RBMS3: variants seen among roughly 807,000 people sequenced by gnomAD.
The protein encoded by RBMS3 is RNA binding motif single stranded interacting protein 3.
In RBMS3, 27 loss-of-function variants were observed where a neutral mutation model predicts 66.8. The observed-to-expected ratio is 0.40, with a 90% confidence interval of 0.30 to 0.56. The LOEUF (loss-of-function observed/expected upper bound fraction) is 0.56. Among genes scored for constraint, RBMS3 ranks in the 20% least tolerant of loss-of-function variants. RBMS3 has a pLI of 0.40. For synonymous variants in RBMS3, 188 were observed against 183.0 expected, an observed-to-expected ratio of 1.03 and a Z score of -0.22; for missense variants, 513 against 549.5, an observed-to-expected ratio of 0.93 and a Z score of 0.66.
intron 2 of RBMS3, among the ~76,000 whole-genome samples, chr3:29,486,019 T>G (rs774743848): frequency 5.3e-5 from 8 of 152,214 alleles, no homozygotes; most frequent in Non-Finnish European, 1.2e-4. Flanking sequence ...GTACTTTTAA[T>G]CTGCAGAGTA....
At chr3:29,298,730 A>C (rs781167110) in intron 1 of RBMS3, among the ~76,000 whole-genome samples, 6 of 151,904 alleles carry the variant, frequency 3.9e-5, no homozygotes, top group Non-Finnish European at 8.8e-5. Context: ...CGTTTTGTGA[A>C]AAAGGGAAAT....
chr3:29,940,513 A>G (rs2061367229), intron 11 of RBMS3, among the ~76,000 whole-genome samples: 1 of 151,846 alleles, frequency 6.6e-6, no homozygotes, highest in South Asian at 2.1e-4. Flanking sequence ...GGAATTTGCC[A>G]TTTTTAGAAG....
chr3:29,778,883 T>C (rs760886499), intron 6 of RBMS3, among the ~76,000 whole-genome samples: 3 of 151,902 alleles, frequency 2.0e-5, no homozygotes, highest in Non-Finnish European at 4.4e-5. Context: ...GGTCTTTTCT[T>C]TGATGGAGAG....
At chr3:29,424,322 C>A (rs2040858927) in intron 1 of RBMS3, among the ~76,000 whole-genome samples, 1 of 152,200 alleles carries the variant, frequency 6.6e-6, no homozygotes, top group East Asian at 1.9e-4. Context: ...TTACTAACAT[C>A]CCCCTCTTTT....
At chr3:29,419,545 C>G (rs544255575) in intron 1 of RBMS3, among the ~76,000 whole-genome samples, 213 of 152,200 alleles carry the variant, frequency 1.4e-3, no homozygotes, top group African/African-American at 4.9e-3. Flanking sequence ...GATGGAAATT[C>G]TTAATACCAG....
At chr3:29,295,629 G>C (rs1376801850) in intron 1 of RBMS3, among the ~76,000 whole-genome samples, 1 of 151,370 alleles carries the variant, frequency 6.6e-6, no homozygotes, top group Non-Finnish European at 1.5e-5. Context: ...AATTGAACAG[G>C]TTAACTACTT....
chr3:29,632,745 A>G (rs1240351954), intron 4 of RBMS3, among the ~76,000 whole-genome samples: 3 of 151,882 alleles, frequency 2.0e-5, no homozygotes, highest in Non-Finnish European at 2.9e-5. Flanking sequence ...ATGAATGTAG[A>G]AAACTTAATA....
chr3:29,917,027 T>C (rs962464788), intron 10 of RBMS3, among the ~76,000 whole-genome samples: 3 of 152,036 alleles, frequency 2.0e-5, no homozygotes, highest in East Asian at 3.9e-4. Flanking sequence ...TAGTGACTTA[T>C]TGGAAAAACG....
Position 29,919,352 on chromosome 3 carries a change from GA to G in RBMS3, c.940-16733del, listed in dbSNP as rs35551778. Among the ~76,000 whole-genome samples, 1,509 of 152,226 alleles carry G rather than the reference GA, an allele frequency of 9.9e-3. 7 individuals carry two copies. The highest frequency in any genetic ancestry group is 0.028 in the East Asian group (147 of 5,174). ...GTCAGAGATGGACAGGTAAAATGAA[GA>G]GCCAGAAAAAGAATTTCTCATAAAA... On this transcript the variant is annotated intron_variant, in intron 10 of 14. Coordinates refer to ENST00000383767, the MANE Select transcript of RBMS3 (RefSeq NM_001003793.3).
chr3:29,473,455 G>T (rs147754930), intron 2 of RBMS3, among the ~76,000 whole-genome samples: 1 of 152,202 alleles, frequency 6.6e-6, no homozygotes, highest in Non-Finnish European at 1.5e-5. Flanking sequence ...AGTGGATCCC[G>T]CACGGAGGCC....
chr3:29,646,233 A>T lies in RBMS3; in HGVS notation c.399+59028A>T, dbSNP rs148585619. 8.5e-5 allele frequency among the ~76,000 whole-genome samples: 13 copies of T among 152,364 alleles called. 1 individual carries two copies. The highest frequency in any genetic ancestry group is 3.1e-4 in the African/African-American group (13 of 41,596). ...CAGACTGGACAGTACAAGTATAGAA[A>T]ATTGCTGATATTGCATAAAGTTCTG... On this transcript the variant is annotated intron_variant, in intron 4 of 14. Coordinates refer to ENST00000383767, the MANE Select transcript of RBMS3 (RefSeq NM_001003793.3).
At chr3:29,627,249 G>C (rs967551402) in intron 4 of RBMS3, among the ~76,000 whole-genome samples, 1 of 151,334 alleles carries the variant, frequency 6.6e-6, no homozygotes, top group Non-Finnish European at 1.5e-5. Flanking sequence ...TATAAAGTGA[G>C]TATCTCTGTC....
At chr3:29,672,228 G>A (rs889795365) in intron 4 of RBMS3, among the ~76,000 whole-genome samples, 27 of 152,240 alleles carry the variant, frequency 1.8e-4, no homozygotes, top group African/African-American at 6.3e-4. Flanking sequence ...TTACAGACAA[G>A]CAAATGCTGA....
intron 1 of RBMS3, among the ~76,000 whole-genome samples, chr3:29,290,338 C>T (rs928846452): frequency 2.0e-5 from 3 of 151,790 alleles, no homozygotes; most frequent in African/African-American, 4.8e-5. Context: ...ATCTCATCTC[C>T]ATCTTTATGT....
chr3:29,409,059 C>G (rs895478679), intron 1 of RBMS3, among the ~76,000 whole-genome samples: 1 of 152,178 alleles, frequency 6.6e-6, no homozygotes, highest in Admixed American at 6.5e-5. Flanking sequence ...GATGAGAAAA[C>G]AGCCTCTGTC....
chr3:29,658,637 G>T (rs116244722), intron 4 of RBMS3, among the ~76,000 whole-genome samples: 2,330 of 152,316 alleles, frequency 0.015, 24 homozygotes, highest in Non-Finnish European at 0.025. Flanking sequence ...TGTTGAGCTA[G>T]ATGTCTGAGG....
chr3:29,789,104 G>A (rs2056919529), intron 6 of RBMS3, among the ~76,000 whole-genome samples: 1 of 151,926 alleles, frequency 6.6e-6, no homozygotes, highest in Admixed American at 6.6e-5. Context: ...TAATTCCCAA[G>A]AACTTTATCA....
chr3:29,744,670 G>A (rs966246316), intron 5 of RBMS3, among the ~76,000 whole-genome samples: 1 of 151,856 alleles, frequency 6.6e-6, no homozygotes, highest in African/African-American at 2.4e-5. Context: ...TGTAATCCGA[G>A]CTACTCGGGA....
In RBMS3 at chr3:29,936,199, G is replaced by A; in HGVS notation, c.1050+3G>A. The A allele has an allele frequency of 6.2e-7, 1 of 1,610,796 alleles. No homozygotes were observed. Among genetic ancestry groups the A allele is most frequent in the South Asian group, 1.1e-5 (1 of 90,458 alleles). ...TTTCGTTGGGCACAACAGGAACGGT[G>A]AGTTGAAGAGATTGTTTTGTTTCCT... On this transcript the variant is annotated splice_donor_region_variant and intron_variant, in intron 11 of 14. Coordinates refer to ENST00000383767, the MANE Select transcript of RBMS3 (RefSeq NM_001003793.3).
Sources: gnomAD v4.1 joint callset for allele counts (sites outside exome capture counted in the v4.1 genomes callset) on GRCh38, gnomAD v4.1.1 for gene constraint, MANE v1.5 for transcripts, NCBI Gene and HGNC (gene_info 2026-07-23, HGNC 2026-07-21) for gene names.